BAHCC1: variants seen among roughly 807,000 people sequenced by gnomAD.
The protein encoded by BAHCC1 is BAH domain and coiled-coil containing 1.
In BAHCC1, 43 loss-of-function variants were observed where a neutral mutation model predicts 88.2. The observed-to-expected ratio is 0.49, with a 90% CI of 0.38 to 0.63. The LOEUF (loss-of-function observed/expected upper bound fraction) is 0.63, where lower values mean the gene tolerates loss of function less well. Among genes scored for constraint, BAHCC1 ranks in the 20% least tolerant of loss-of-function variants. The pLI, the probability that BAHCC1 is intolerant of heterozygous loss-of-function variation, is 0.00. For missense variants in BAHCC1, 3,023 were observed against 1,654.8 expected (o/e 1.83, Z -14.34); for synonymous variants, 1,510 against 745.5 (o/e 2.03, Z -16.71).
intron 1 of BAHCC1, chr17:81,396,521 G>T (rs1420214106): frequency 6.6e-6 from 1 of 152,042 alleles, no homozygotes; most frequent in Admixed American, 6.5e-5. Flanking sequence ...GGCGACGGCC[G>T]AGCCACTCGC....
chr17:81,463,475 C>G, intron 27 of BAHCC1, 136 bp from the exon 28 acceptor site: 2 of 652,872 alleles, frequency 3.1e-6, no homozygotes, highest in Non-Finnish European at 5.6e-6. Context: ...GCAGGTTCCT[C>G]GGCCCCGTCT....
chr17:81,444,893 G>A (rs559262298), intron 8 of BAHCC1, 67 bp downstream of exon 8: 3 of 716,522 alleles, frequency 4.2e-6, no homozygotes, highest in African/African-American at 3.5e-5. Context: ...AGCCGGGGGT[G>A]TGCTGGCCAG....
chr17:81,422,863 G>GA, intron 2 of BAHCC1: 1 of 358,568 alleles, frequency 2.8e-6, no homozygotes. Context: ...TGGGGGACTC[G>GA]AGGCGGGCCT....
chr17:81,436,306 C>T (rs954199011), intron 3 of BAHCC1, among the ~76,000 whole-genome samples: 1 of 152,232 alleles, frequency 6.6e-6, no homozygotes, highest in Admixed American at 6.5e-5. Flanking sequence ...CATAGCTGCC[C>T]ACCCGCAGCT....
chr17:81,404,281 C>T (rs868924805), intron 2 of BAHCC1, among the ~76,000 whole-genome samples: 1 of 152,216 alleles, frequency 6.6e-6, no homozygotes, highest in African/African-American at 2.4e-5. Context: ...ATAAATTATA[C>T]AAGAGCCATT....
chr17:81,438,041 A>G (rs1182771776), intron 3 of BAHCC1, among the ~76,000 whole-genome samples: 2 of 152,144 alleles, frequency 1.3e-5, no homozygotes, highest in South Asian at 2.1e-4. Context: ...TCCTCCCACA[A>G]AACCTCCCCA....
At chr17:81,397,181 C>T (rs1292653375) in intron 1 of BAHCC1, 3 of 152,214 alleles carry the variant, frequency 2.0e-5, no homozygotes, top group Non-Finnish European at 4.4e-5. Flanking sequence ...AAGCTCTCTC[C>T]AATCCGGTCA....
Position 81,417,559 on chromosome 17 carries a change from C to A in BAHCC1, c.179-9241C>A, listed in dbSNP as rs797028654. 2.4e-4 allele frequency among the ~76,000 whole-genome samples: 24 copies of A among 98,678 alleles called. No homozygotes were observed. In the South Asian group the frequency reaches 8.4e-3, roughly 35 times the overall value. The allele number at this position is 98,678 out of a possible 152,430, so 64.7% of individuals were successfully genotyped here. A position where few individuals can be genotyped will look rare whatever the true frequency, so the allele number is the denominator to read the frequency against. On this transcript the variant is annotated intron_variant, in intron 2 of 27. Coordinates refer to ENST00000675386, the MANE Select transcript of BAHCC1 (RefSeq NM_001377448.1). Reference sequence around the variant, plus strand: ...ACGCCATGGGGAGCGTCGGCCACCCCCCCCCCGCCCTAGCCAAAGGGCTAA... The same window carrying A: ...ACGCCATGGGGAGCGTCGGCCACCCACCCCCCGCCCTAGCCAAAGGGCTAA...
chr17:81,457,344 C>T (rs1555657552), intron 16 of BAHCC1, 66 bp from the exon 17 acceptor site: 3 of 709,168 alleles, frequency 4.2e-6, no homozygotes, highest in Admixed American at 2.0e-5. Flanking sequence ...CAGAGGGTCA[C>T]CTCCCCCACC....
chr17:81,460,481 G>C lies in BAHCC1; in HGVS notation c.6026-49G>C, dbSNP rs193084436. 4.0e-4 allele frequency: 293 copies of C among 727,168 alleles called. No individual in the cohort carries two copies. In the East Asian group the frequency reaches 7.5e-3, roughly 18 times the overall value. The allele number at this position is 727,168 out of a possible 1,614,324, so 45.0% of individuals were successfully genotyped here. Reference sequence around the variant, plus strand: ...CTCCCAAGGAAGGGTTGGGGTGGCAGTCACCCCACAGCCATGGCACTGAAG... The same window carrying C: ...CTCCCAAGGAAGGGTTGGGGTGGCACTCACCCCACAGCCATGGCACTGAAG... On this transcript the variant is annotated intron_variant, in intron 24 of 27. Coordinates refer to ENST00000675386, the MANE Select transcript of BAHCC1 (RefSeq NM_001377448.1).
chr17:81,399,491 A>T lies in BAHCC1; in HGVS notation c.-206-43A>T. 4.1e-6 allele frequency: 1 copy of T among 242,984 alleles called. No homozygotes were observed. The allele number at this position is 242,984 out of a possible 1,614,324, so 15.1% of individuals were successfully genotyped here. On this transcript the variant is annotated intron_variant, in intron 1 of 27. Coordinates refer to ENST00000675386, the MANE Select transcript of BAHCC1 (RefSeq NM_001377448.1). This position sits in a 1 kb window ranked among gnomAD's most constrained non-coding sequence, Gnocchi z 4.5. ...GGGGCGGGGACCCCCGGGCGAGCCG[A>T]GCCCCCCAGTCACCCGTGTCTCCTC... is the stretch of plus-strand genomic sequence containing the variant.
intron 25 of BAHCC1, 74 bp from the exon 26 acceptor site, chr17:81,460,792 G>T: frequency 1.3e-6 from 1 of 772,012 alleles, no homozygotes; most frequent in South Asian, 1.3e-5. Context: ...GGGTAGGCAG[G>T]GTCCGGGGAG....
intron 4 of BAHCC1, 38 bp from the exon 5 acceptor site, chr17:81,441,793 C>T (rs2064421332): frequency 3.5e-6 from 2 of 568,208 alleles, no homozygotes; most frequent in Non-Finnish European, 6.5e-6. Flanking sequence ...AGCCTCACCC[C>T]TAAGGCCTCC....
chr17:81,436,958 G>A (rs187923896), intron 3 of BAHCC1, among the ~76,000 whole-genome samples: 8 of 152,342 alleles, frequency 5.3e-5, no homozygotes, highest in Admixed American at 5.2e-4. Context: ...GTGACCCAGA[G>A]CTTGGGTTTC....
chr17:81,461,171 G>A lies in BAHCC1; in HGVS notation c.6508G>A (p.Gly2170Arg), dbSNP rs781894006. Residue 2170 changes from glycine (G) to arginine (R), a missense_variant, in exon 26 of 28, where the codon GGG (glycine) becomes AGG (arginine). Transcript: ENST00000675386. ...GGCCAGCTCCTACGCGCCCTTCGTCGGGGGGACCGGGCCGGGCCTCCCCAG... is the reference window on the plus strand; with the variant it reads ...GGCCAGCTCCTACGCGCCCTTCGTCAGGGGGACCGGGCCGGGCCTCCCCAG... ...SLASSYAPFV[G>R]GTGPGLPRGA... 7 of 750,912 alleles carry A rather than the reference G, an allele frequency of 9.3e-6. No individual in the cohort carries two copies. The highest frequency in any genetic ancestry group is 3.4e-5 in the African/African-American group (2 of 58,646). The allele number at this position is 750,912 out of a possible 1,614,324, so 46.5% of individuals were successfully genotyped here.
intron 2 of BAHCC1, among the ~76,000 whole-genome samples, chr17:81,409,184 G>A (rs537027131): frequency 1.3e-5 from 2 of 152,206 alleles, no homozygotes; most frequent in African/African-American, 4.8e-5. Context: ...CTGCCTGGGG[G>A]ACATGGCAGC....
intron 2 of BAHCC1, among the ~76,000 whole-genome samples, chr17:81,400,409 G>A (rs963199686): frequency 6.6e-6 from 1 of 152,194 alleles, no homozygotes; most frequent in Non-Finnish European, 1.5e-5. Flanking sequence ...GACTGCTGGT[G>A]TAAGACGAGC....
At position 81,458,882 on chromosome 17, in the gene BAHCC1, A is replaced by G. The variant is rs782250086; in HGVS notation, c.5518A>G (p.Asn1840Asp). The G allele has an allele frequency of 1.2e-5, 9 of 774,730 alleles. No homozygotes were observed. The highest frequency in any genetic ancestry group is 3.4e-5 in the Admixed American group (2 of 58,830). 48.0% of individuals were successfully genotyped at this position (774,730 alleles called of 1,614,324 possible). A position where few individuals can be genotyped will look rare whatever the true frequency, so the allele number is the denominator to read the frequency against. The stretch of plus-strand genomic sequence containing the variant: ...GGAGGAAGACTTTGAGTTCGACGAC[A>G]ACAGCAGCTTCTCGGAAGAGGAGGA... ...AVEEDFEFDD[N>D]SSFSEEEEDE... Residue 1840 changes from asparagine to aspartate, a missense_variant, in exon 20 of 28, where the codon AAC becomes GAC. Physicochemically the swap from Asn to Asp is conservative, Grantham distance 23. Coordinates refer to ENST00000675386, the MANE Select transcript of BAHCC1 (RefSeq NM_001377448.1).
At chr17:81,414,781 C>A (rs945139851) in intron 2 of BAHCC1, among the ~76,000 whole-genome samples, 2 of 152,176 alleles carry the variant, frequency 1.3e-5, no homozygotes, top group Admixed American at 1.3e-4. Flanking sequence ...GGCCCCGGGA[C>A]GGGGTGAGGC....
Sources: allele counts gnomAD v4.1 joint callset (sites outside exome capture counted in the v4.1 genomes callset), GRCh38; gene constraint gnomAD v4.1.1; non-coding constraint Gnocchi (gnomAD v3.1); transcripts MANE v1.5; gene names NCBI Gene and HGNC (gene_info 2026-07-23, HGNC 2026-07-21).